Variants in NEO1 observed in about 807,000 individuals in gnomAD.
The protein encoded by NEO1 is neogenin 1, also known as neogenin.
Under a neutral mutation model 159.7 loss-of-function variants are expected in NEO1, and 63 were observed. That is an observed-to-expected ratio of 0.39 (90% CI 0.32 to 0.49). The LOEUF is 0.49. Ranked by LOEUF, NEO1 falls within the 20% of genes least tolerant of loss-of-function variation. The pLI is 0.85. For missense variants in NEO1, 1,615 were observed against 1,831.0 expected (o/e 0.88, Z 2.15); for synonymous variants, 633 against 662.0 (o/e 0.96, Z 0.67).
intron 1 of NEO1, among the ~76,000 whole-genome samples, chr15:73,067,181 T>G (rs1297158990): frequency 1.3e-5 from 2 of 152,198 alleles, no homozygotes; most frequent in Non-Finnish European, 2.9e-5. Flanking sequence ...TCCTCCTGAT[T>G]TCAGATTGTT....
At chr15:73,278,388 T>C (rs1176547143) in intron 22 of NEO1, among the ~76,000 whole-genome samples, 189 bp downstream of exon 22, 1 of 146,802 alleles carries the variant, frequency 6.8e-6, no homozygotes, top group Non-Finnish European at 1.5e-5. Context: ...TAAATCAAAT[T>C]GTTTCCCCAG....
chr15:73,260,177 A>G (rs985042863), intron 14 of NEO1, 94 bp from the exon 15 acceptor site: 9 of 1,157,306 alleles, frequency 7.8e-6, no homozygotes, highest in Non-Finnish European at 9.8e-6. Flanking sequence ...AGCCCCAAAC[A>G]GTGTGGTAGG....
chr15:73,279,640 C>T (rs1002607947), intron 22 of NEO1, among the ~76,000 whole-genome samples: 7 of 152,092 alleles, frequency 4.6e-5, no homozygotes, highest in East Asian at 1.9e-4. Context: ...TGAGCCACCA[C>T]GCCCGGGGCC....
intron 7 of NEO1, among the ~76,000 whole-genome samples, chr15:73,212,654 T>A (rs1313865670): frequency 6.6e-6 from 1 of 152,114 alleles, no homozygotes; most frequent in East Asian, 1.9e-4. Context: ...TCTAGCAATT[T>A]GTCTTACAGA....
At position 73,304,293 on chromosome 15, in the gene NEO1, A is replaced by T. The variant is rs1005674567; in HGVS notation, c.*1597A>T. On this transcript the variant is annotated 3_prime_UTR_variant, in exon 29 of 29. Coordinates refer to ENST00000261908, the MANE Select transcript of NEO1 (RefSeq NM_002499.4). ...TGTGGTTTTTTAATATTAAGAATAT[A>T]TAATGGAAAACACACGACTGACGCT... 2.0e-5 allele frequency: 3 copies of T among 152,250 alleles called. No individual in the cohort carries two copies. The allele number at this position is 152,250 out of a possible 1,614,324, so 9.4% of individuals were successfully genotyped here. A position where few individuals can be genotyped will look rare whatever the true frequency, so the allele number is the denominator to read the frequency against.
At chr15:73,164,784 T>C (rs1406073320) in intron 5 of NEO1, among the ~76,000 whole-genome samples, 1 of 152,224 alleles carries the variant, frequency 6.6e-6, no homozygotes, top group Non-Finnish European at 1.5e-5. Flanking sequence ...TAAGTGTGCA[T>C]TAATAGGAGA....
chr15:73,207,925 A>G (rs1379610715), intron 7 of NEO1, among the ~76,000 whole-genome samples: 1 of 152,214 alleles, frequency 6.6e-6, no homozygotes, highest in Non-Finnish European at 1.5e-5. Flanking sequence ...GAAATGGCAA[A>G]TAGTTTTAGA....
At chr15:73,282,933 C>G (rs999582017) in intron 22 of NEO1, 31 bp from the exon 23 acceptor site, 2 of 1,607,054 alleles carry the variant, frequency 1.2e-6, no homozygotes, top group Non-Finnish European at 1.7e-6. Context: ...ATTCTCTAAC[C>G]CTAACACATG....
At position 73,272,968 on chromosome 15, in the gene NEO1, C is replaced by CA. The variant is rs56162211; in HGVS notation, c.2965+425dup. 5.2e-3 allele frequency among the ~76,000 whole-genome samples: 450 copies of CA among 86,562 alleles called. 3 individuals carry two copies. The highest frequency in any genetic ancestry group is 0.018 in the Middle Eastern group (3 of 166). 56.8% of individuals were successfully genotyped at this position (86,562 alleles called of 152,430 possible). A position where few individuals can be genotyped will look rare whatever the true frequency, so the allele number is the denominator to read the frequency against. On this transcript the variant is annotated intron_variant, in intron 19 of 28. Coordinates refer to ENST00000261908, the MANE Select transcript of NEO1 (RefSeq NM_002499.4). ...ATTCTGCTCTTGTACCCTGAAGCCA[C>CA]AAAAAAAAAAAAAAAAAAAGCCCAT... is the stretch of plus-strand genomic sequence containing the variant.
chr15:73,289,931 C>T (rs1482568317), intron 25 of NEO1, among the ~76,000 whole-genome samples: 1 of 151,958 alleles, frequency 6.6e-6, no homozygotes, highest in Non-Finnish European at 1.5e-5. Context: ...GCCTGGGTGA[C>T]AGAGTGAGAC....
At chr15:73,213,326 A>G (rs531955956) in intron 7 of NEO1, among the ~76,000 whole-genome samples, 4 of 152,290 alleles carry the variant, frequency 2.6e-5, no homozygotes, top group Non-Finnish European at 4.4e-5. Context: ...ATTTGGTTAC[A>G]TAAGTTCTTT....
In NEO1 at chr15:73,076,028, T is replaced by C. The variant is rs79415864; in HGVS notation, c.130+23223T>C. On this transcript the variant is annotated intron_variant, in intron 1 of 28. Coordinates refer to ENST00000261908, the MANE Select transcript of NEO1 (RefSeq NM_002499.4). The stretch of plus-strand genomic sequence containing the variant: ...TTGAATGAATGTCTCATATTTGCAA[T>C]AATTTAGGGAACAGTTGAGCATGGA... Among the ~76,000 whole-genome samples the C allele has an allele frequency of 4.6e-5, 7 of 152,262 alleles. No individual in the cohort carries two copies. The East Asian group carries it at 1.2e-3, about 25-fold the overall frequency.
At chr15:73,145,466 AT>A (rs1412399565) in intron 5 of NEO1, among the ~76,000 whole-genome samples, 4 of 152,200 alleles carry the variant, frequency 2.6e-5, no homozygotes, top group African/African-American at 9.7e-5. Context: ...GTGTGCAAAG[AT>A]TTATGCATGG....
At chr15:73,167,593 A>G (rs906236391) in intron 5 of NEO1, among the ~76,000 whole-genome samples, 4 of 152,248 alleles carry the variant, frequency 2.6e-5, no homozygotes, top group African/African-American at 9.6e-5. Flanking sequence ...CATTATTCAC[A>G]ATAACTGAAA....
intron 6 of NEO1, among the ~76,000 whole-genome samples, chr15:73,177,086 T>C (rs117351629): frequency 0.011 from 1,667 of 152,298 alleles, 22 homozygotes; most frequent in East Asian, 0.05. Context: ...GTGGTAGCAA[T>C]AGTTATAAAG....
At chr15:73,301,788 C>T (rs1019007093) in intron 28 of NEO1, among the ~76,000 whole-genome samples, 2 of 152,146 alleles carry the variant, frequency 1.3e-5, no homozygotes. Context: ...CTGCCTCAGC[C>T]TCCTGAGTAG....
At chr15:73,110,332 T>C (rs2070910043) in intron 1 of NEO1, among the ~76,000 whole-genome samples, 1 of 152,220 alleles carries the variant, frequency 6.6e-6, no homozygotes, top group Non-Finnish European at 1.5e-5. Context: ...CATTTGTAGG[T>C]ATATAAAAAT....
intron 21 of NEO1, among the ~76,000 whole-genome samples, chr15:73,276,969 C>T (rs2041453068): frequency 6.6e-6 from 1 of 151,990 alleles, no homozygotes; most frequent in Admixed American, 6.6e-5. Context: ...GGAACATCTA[C>T]TATGTGTCAG....
intron 7 of NEO1, among the ~76,000 whole-genome samples, chr15:73,190,218 T>C (rs931650745): frequency 1.4e-4 from 22 of 152,220 alleles, no homozygotes; most frequent in African/African-American, 5.1e-4. Context: ...TATTGGCCTT[T>C]CTTCCTGTCA....
Sources: allele counts gnomAD v4.1 joint callset (sites outside exome capture counted in the v4.1 genomes callset), GRCh38; gene constraint gnomAD v4.1.1; transcripts MANE v1.5; gene names NCBI Gene and HGNC (gene_info 2026-07-23, HGNC 2026-07-21).